Variants in ERGIC2 observed in about 807,000 individuals in gnomAD.
ERGIC2 encodes the protein ERGIC and golgi 2.
In ERGIC2, 31 loss-of-function variants were observed where a neutral mutation model predicts 52.5. That is an observed-to-expected ratio of 0.59 (90% CI 0.44 to 0.80). The LOEUF is 0.80. Ranked by LOEUF, ERGIC2 falls within the 30% of genes least tolerant of loss-of-function variation. The pLI, the probability that ERGIC2 is intolerant of heterozygous loss-of-function variation, is 0.00. For missense variants in ERGIC2, 395 were observed against 455.2 expected, an observed-to-expected ratio of 0.87 and a Z score of 1.20; for synonymous variants, 129 against 140.6, an observed-to-expected ratio of 0.92 and a Z score of 0.58.
At chr12:29,354,444 C>T (rs911235236) in intron 8 of ERGIC2, among the ~76,000 whole-genome samples, 12 of 152,190 alleles carry the variant, frequency 7.9e-5, no homozygotes, top group African/African-American at 2.9e-4. Flanking sequence ...AAGCATCTGC[C>T]TACTTCATTA....
rs375624509 is a variant in ERGIC2, at chr12:29,371,617, C to T, written c.17G>A (p.Arg6Gln). Reference sequence around the variant, plus strand: ...TTTTACCAAACTTAAAGTTTTTTTCCGATTCAGTCGCCTCATCTTCAGGAA... The same window carrying T: ...TTTTACCAAACTTAAAGTTTTTTTCTGATTCAGTCGCCTCATCTTCAGGAA... MRRLN[R>Q]KKTLSLVKEL... The change falls in exon 2 of 14, where the codon CGG (arginine) becomes CAG (glutamine). Residue 6 changes from arginine (R) to glutamine (Q), a missense_variant. Arg to Gln is a conservative substitution (Grantham distance 43). Transcript: ENST00000360150. 59 of 1,613,014 alleles carry T rather than the reference C, an allele frequency of 3.7e-5. No homozygotes were observed. The highest frequency in any genetic ancestry group is 4.7e-5 in the Non-Finnish European group (55 of 1,179,454).
intron 4 of ERGIC2, 138 bp downstream of exon 4, chr12:29,368,103 A>G: frequency 1.6e-6 from 1 of 636,242 alleles, no homozygotes; most frequent in Non-Finnish European, 2.8e-6. Flanking sequence ...AACAATTTGT[A>G]TTATTAAATA....
intron 8 of ERGIC2, among the ~76,000 whole-genome samples, chr12:29,352,795 T>G (rs1291737756): frequency 6.6e-6 from 1 of 152,146 alleles, no homozygotes; most frequent in Non-Finnish European, 1.5e-5. Context: ...TAAACCTTTG[T>G]TCTGTTATAC....
intron 3 of ERGIC2, 49 bp downstream of exon 3, chr12:29,370,065 T>C: frequency 7.0e-7 from 1 of 1,434,446 alleles, no homozygotes; most frequent in Non-Finnish European, 9.1e-7. Flanking sequence ...ATGCTCTTTT[T>C]AAAACAATTT....
At chr12:29,367,316 T>C (rs1461459591) in intron 4 of ERGIC2, among the ~76,000 whole-genome samples, 1 of 151,662 alleles carries the variant, frequency 6.6e-6, no homozygotes, top group Non-Finnish European at 1.5e-5. Flanking sequence ...CTGAACAAAA[T>C]ATTAATTCCA....
intron 11 of ERGIC2, 117 bp downstream of exon 11, chr12:29,345,326 G>A: frequency 3.1e-6 from 2 of 650,162 alleles, no homozygotes; most frequent in Non-Finnish European, 5.4e-6. Context: ...AACTTCCACA[G>A]ATTTTTAAAT....
In ERGIC2 at chr12:29,340,177, A is replaced by T. The variant is rs1404746902; in HGVS notation, c.*979T>A. On this transcript the variant is annotated 3_prime_UTR_variant, in exon 14 of 14. Coordinates refer to ENST00000360150, the MANE Select transcript of ERGIC2 (RefSeq NM_016570.3). Reference sequence around the variant, plus strand: ...CAATGTTTAACATGGCACCTCTCAAATCTGATATATCTTGTGGTGCTTACA... The same window carrying T: ...CAATGTTTAACATGGCACCTCTCAATTCTGATATATCTTGTGGTGCTTACA... The T allele has an allele frequency of 6.6e-6, 1 of 152,214 alleles. No homozygotes were observed. Among genetic ancestry groups the T allele is most frequent in the East Asian group, 1.9e-4 (1 of 5,184 alleles). The allele number at this position is 152,214 out of a possible 1,614,324, so 9.4% of individuals were successfully genotyped here.
intron 11 of ERGIC2, among the ~76,000 whole-genome samples, chr12:29,343,949 G>A (rs1256719419): frequency 1.3e-5 from 2 of 151,894 alleles, no homozygotes; most frequent in African/African-American, 4.8e-5. Flanking sequence ...ACCAACCCCA[G>A]TTACTCCATT....
chr12:29,365,372 A>G (rs879598707), intron 5 of ERGIC2, among the ~76,000 whole-genome samples: 20 of 152,034 alleles, frequency 1.3e-4, no homozygotes, highest in African/African-American at 2.7e-4. Context: ...ACCATACACC[A>G]TATGTTCTCA....
chr12:29,347,589 T>C (rs763849512), intron 10 of ERGIC2, among the ~76,000 whole-genome samples: 2 of 152,136 alleles, frequency 1.3e-5, no homozygotes, highest in Non-Finnish European at 2.9e-5. Context: ...GTGCGCTCTA[T>C]GAAGGGCAGG....
At chr12:29,365,872 C>T (rs1022743445) in intron 5 of ERGIC2, among the ~76,000 whole-genome samples, 13 of 151,682 alleles carry the variant, frequency 8.6e-5, no homozygotes, top group South Asian at 4.1e-4. Flanking sequence ...AGTGGGAAAA[C>T]GAGTCAGAAA....
At position 29,370,169 on chromosome 12, in the gene ERGIC2, C is replaced by A; in HGVS notation, c.160G>T (p.Val54Leu). The change falls in exon 3 of 14, where the codon GTA becomes TTA. Residue 54 changes from valine (V) to leucine (L), a missense_variant. Physicochemically the swap from Val to Leu is conservative, Grantham distance 32. Coordinates refer to ENST00000360150, the MANE Select transcript of ERGIC2 (RefSeq NM_016570.3). ...TACTTCATCCATGTATCTTGATATA[C>A]TGAGAATTCCATTATGGTTAATAAA... ...MALLTIMEFS[V>L]YQDTWMKYEY... 6.5e-7 allele frequency: 1 copy of A among 1,549,746 alleles called. No individual in the cohort carries two copies. Among genetic ancestry groups the A allele is most frequent in the Non-Finnish European group, 8.6e-7 (1 of 1,158,558 alleles).
chr12:29,368,112 T>C, intron 4 of ERGIC2, 129 bp downstream of exon 4: 1 of 652,092 alleles, frequency 1.5e-6, no homozygotes, highest in Non-Finnish European at 2.7e-6. Context: ...TATTATTAAA[T>C]AATACCACAG....
chr12:29,352,133 T>C (rs1417185717), intron 8 of ERGIC2, among the ~76,000 whole-genome samples: 1 of 152,120 alleles, frequency 6.6e-6, no homozygotes, highest in East Asian at 1.9e-4. Flanking sequence ...GCTGTCAAAT[T>C]ATAACTGCAT....
rs1216245575 is a variant in ERGIC2 at position 29,341,224 on chromosome 12, G to A, written c.1072-6C>T. ...TGGCCATCCTCAAAAGGAACCTAAGGAGAAAAGGAGGGAAAAAAAGACCAA... is the reference window on the plus strand; with the variant it reads ...TGGCCATCCTCAAAAGGAACCTAAGAAGAAAAGGAGGGAAAAAAAGACCAA... On this transcript the variant is annotated splice_region_variant and splice_polypyrimidine_tract_variant and intron_variant, in intron 13 of 13. Transcript: ENST00000360150. 6.2e-7 allele frequency: 1 copy of A among 1,603,600 alleles called. No individual in the cohort carries two copies. Among genetic ancestry groups the A allele is most frequent in the Admixed American group, 1.7e-5 (1 of 59,412 alleles).
intron 1 of ERGIC2, chr12:29,372,390 GAAGA>G (rs1299007031): frequency 6.6e-6 from 1 of 151,442 alleles, no homozygotes; most frequent in Non-Finnish European, 1.5e-5. Flanking sequence ...AGAAGAAGAA[GAAGA>G]AAGAAGGTGG....
chr12:29,341,239 A>C, intron 13 of ERGIC2, 21 bp from the exon 14 acceptor site: 1 of 1,577,906 alleles, frequency 6.3e-7, no homozygotes, highest in Non-Finnish European at 8.7e-7. Flanking sequence ...AAGGAGGGAA[A>C]AAAAGACCAA....
In ERGIC2 at chr12:29,371,595, T is replaced by A; in HGVS notation, c.39A>T (p.Val13=). The A allele has an allele frequency of 6.2e-7, 1 of 1,613,688 alleles. No individual in the cohort carries two copies. The highest frequency in any genetic ancestry group is 8.5e-7 in the Non-Finnish European group (1 of 1,179,760). ...RLNRKKTLSL[V]KELDAFPKVP... ...CCTTCGGAAAGGCATCCAACTCTTT[T>A]ACCAAACTTAAAGTTTTTTTCCGAT... is the stretch of plus-strand genomic sequence containing the variant. Residue 13 remains valine (V), a synonymous_variant, in exon 2 of 14, where the codon GTA becomes GTT. Coordinates refer to ENST00000360150, the MANE Select transcript of ERGIC2 (RefSeq NM_016570.3).
chr12:29,356,531 T>C, intron 7 of ERGIC2, 54 bp from the exon 8 acceptor site: 1 of 942,582 alleles, frequency 1.1e-6, no homozygotes. Flanking sequence ...TACCATTTTA[T>C]GATGAGAAAA....
Sources: gnomAD v4.1 joint callset for allele counts (sites outside exome capture counted in the v4.1 genomes callset) on GRCh38, gnomAD v4.1.1 for gene constraint, MANE v1.5 for transcripts, NCBI Gene and HGNC (gene_info 2026-07-23, HGNC 2026-07-21) for gene names.